Variants in BTAF1 observed in about 807,000 individuals in gnomAD.
The protein encoded by BTAF1 is B-TFIID TATA-box binding protein associated factor 1.
In BTAF1, 38 loss-of-function variants were observed where a neutral mutation model predicts 227.1. The ratio of observed to expected loss-of-function variants is 0.17; its 90% CI spans 0.13 to 0.22. The LOEUF is 0.22. Among genes scored for constraint, BTAF1 ranks in the 10% least tolerant of loss-of-function variants. The pLI is 1.00. For missense variants in BTAF1, 1,598 were observed against 2,204.0 expected, an observed-to-expected ratio of 0.73 and a Z score of 5.51; for synonymous variants, 742 against 751.9, an observed-to-expected ratio of 0.99 and a Z score of 0.21.
intron 14 of BTAF1, among the ~76,000 whole-genome samples, chr10:91,974,757 C>CA (rs1847564070): frequency 6.6e-6 from 1 of 152,088 alleles, no homozygotes; most frequent in African/African-American, 2.4e-5. Context: ...GAGGTTGAGA[C>CA]AGGAGAATCA....
chr10:91,939,967 A>C lies in BTAF1; in HGVS notation c.154A>C (p.Arg52=), dbSNP rs1844881738. The change falls in exon 3 of 38, where the codon AGG becomes CGG. Residue 52 remains arginine (R), a synonymous_variant. Coordinates refer to ENST00000265990, the MANE Select transcript of BTAF1 (RefSeq NM_003972.3). ...AATTTTTAAGGTGTTGATATATTTA[A>C]GGAGTGCAAATTGGGATACCCGGAT... ...NLLSKVLIYL[R]SANWDTRIAA... 1 of 1,611,420 alleles carries C rather than the reference A, an allele frequency of 6.2e-7. No homozygotes were observed. The highest frequency in any genetic ancestry group is 8.5e-7 in the Non-Finnish European group (1 of 1,177,926).
chr10:91,972,036 C>T (rs989932767), intron 14 of BTAF1, among the ~76,000 whole-genome samples: 8 of 152,230 alleles, frequency 5.3e-5, no homozygotes, highest in African/African-American at 1.9e-4. Flanking sequence ...ATCCTTTCTC[C>T]AGTATGCTCC....
chr10:91,924,224 A>T (rs1156653044), intron 1 of BTAF1, 134 bp downstream of exon 1: 2 of 1,251,134 alleles, frequency 1.6e-6, no homozygotes, highest in Non-Finnish European at 2.2e-6. Context: ...TAGACTTCGG[A>T]GTTCGCCCCG....
At chr10:91,997,363 A>G (rs1849215431) in intron 24 of BTAF1, among the ~76,000 whole-genome samples, 1 of 152,242 alleles carries the variant, frequency 6.6e-6, no homozygotes, top group Non-Finnish European at 1.5e-5. Flanking sequence ...AGCCTTCCTC[A>G]GAAGAAAAAC....
intron 34 of BTAF1, among the ~76,000 whole-genome samples, chr10:92,022,244 AG>A (rs1399509664): frequency 6.6e-6 from 1 of 152,208 alleles, no homozygotes. Flanking sequence ...ATGTCTGGTA[AG>A]TATGGTCTTG....
intron 1 of BTAF1, among the ~76,000 whole-genome samples, chr10:91,927,864 G>C (rs1433864348): frequency 6.6e-6 from 1 of 152,052 alleles, no homozygotes; most frequent in African/African-American, 2.4e-5. Context: ...GCATCTTAGG[G>C]ACAACATTGT....
chr10:92,006,349 G>A (rs1476351011), intron 25 of BTAF1, among the ~76,000 whole-genome samples: 1 of 152,178 alleles, frequency 6.6e-6, no homozygotes, highest in African/African-American at 2.4e-5. Context: ...TTTGTTAAGT[G>A]TTATGTGCAA....
chr10:91,969,902 T>G (rs1312451287), intron 14 of BTAF1, among the ~76,000 whole-genome samples: 2 of 151,268 alleles, frequency 1.3e-5, no homozygotes, highest in African/African-American at 4.9e-5. Flanking sequence ...AGGCAGAGGC[T>G]GCAGTGAGCC....
At chr10:91,948,308 G>C (rs1184051285) in intron 4 of BTAF1, among the ~76,000 whole-genome samples, 1 of 151,810 alleles carries the variant, frequency 6.6e-6, no homozygotes, top group Non-Finnish European at 1.5e-5. Context: ...CCATTAAGCT[G>C]TTAAGTCTAT....
chr10:91,996,871 A>C (rs1564705146), intron 24 of BTAF1, among the ~76,000 whole-genome samples: 1 of 152,206 alleles, frequency 6.6e-6, no homozygotes, highest in Non-Finnish European at 1.5e-5. Context: ...TATGTCTAGT[A>C]AGTGATTTAT....
chr10:92,016,545 C>G, intron 33 of BTAF1, 80 bp downstream of exon 33: 5 of 1,218,682 alleles, frequency 4.1e-6, no homozygotes, highest in African/African-American at 1.6e-5. Context: ...GTGGCATGAT[C>G]TCGGCTCACT....
At chr10:91,996,989 A>G (rs536458910) in intron 24 of BTAF1, 58 of 637,706 alleles carry the variant, frequency 9.1e-5, no homozygotes, top group African/African-American at 8.8e-4. Flanking sequence ...ACAAATGACC[A>G]TATTATACTA....
intron 34 of BTAF1, 54 bp downstream of exon 34, chr10:92,018,989 C>T: frequency 3.6e-6 from 5 of 1,380,926 alleles, no homozygotes; most frequent in Non-Finnish European, 4.7e-6. Flanking sequence ...AATATAAATT[C>T]TTGGTAAATT....
intron 14 of BTAF1, among the ~76,000 whole-genome samples, chr10:91,978,740 CCT>C (rs1305442658): frequency 1.3e-5 from 2 of 150,394 alleles, no homozygotes; most frequent in Non-Finnish European, 3.0e-5. Flanking sequence ...AATGAAATGT[CCT>C]GTGTTATCAG....
chr10:91,997,888 C>A (rs886573917), intron 25 of BTAF1, 137 bp downstream of exon 25: 1 of 789,364 alleles, frequency 1.3e-6, no homozygotes, highest in Non-Finnish European at 2.0e-6. Flanking sequence ...GTGGGTGGAT[C>A]ATCTGAGGTC....
chr10:91,999,142 A>C (rs1164360820), intron 25 of BTAF1, among the ~76,000 whole-genome samples: 2 of 150,564 alleles, frequency 1.3e-5, no homozygotes, highest in East Asian at 1.9e-4. Flanking sequence ...GTGTGTTTTT[A>C]TTTCTTTTGA....
chr10:91,960,587 G>GTTT (rs369256520), intron 11 of BTAF1, among the ~76,000 whole-genome samples: 3 of 140,308 alleles, frequency 2.1e-5, no homozygotes, highest in African/African-American at 2.6e-5. Context: ...AACTGTCAGT[G>GTTT]TTTTTTTTTT....
chr10:92,008,768 G>GT, intron 26 of BTAF1, 61 bp from the exon 27 acceptor site: 1 of 1,434,656 alleles, frequency 7.0e-7, no homozygotes, highest in Non-Finnish European at 9.3e-7. Context: ...ATAAGAAAAT[G>GT]TTTTTATAAG....
Position 92,028,899 on chromosome 10 carries a change from A to G in BTAF1, c.5516A>G (p.Tyr1839Cys). Residue 1839 changes from tyrosine to cysteine, a missense_variant, in exon 38 of 38, where the codon TAC becomes TGC. By Grantham distance (194) the Tyr-to-Cys change is radical. This residue lies in a region of BTAF1 where 79 missense variants were observed against 97.9 expected (regional missense o/e 0.81). Transcript: ENST00000265990. ...LWDQEQYDSE[Y>C]SLENFMHSLK ...GATCAAGAGCAGTATGATTCAGAGT[A>G]CAGCCTGGAAAATTTTATGCATTCT... The G allele has an allele frequency of 1.3e-6, 2 of 1,593,670 alleles. No individual in the cohort carries two copies. The highest frequency in any genetic ancestry group is 1.7e-6 in the Non-Finnish European group (2 of 1,172,958).
Sources: gnomAD v4.1 joint callset for allele counts (sites outside exome capture counted in the v4.1 genomes callset) on GRCh38, gnomAD v4.1.1 for gene constraint, gnomAD v4.1.1 regional missense constraint, MANE v1.5 for transcripts, NCBI Gene and HGNC (gene_info 2026-07-23, HGNC 2026-07-21) for gene names.